The following ITPR2 variants were observed in gnomAD, a reference collection of about 807,000 sequenced individuals.
The protein encoded by ITPR2 is inositol 1,4,5-trisphosphate-gated calcium channel ITPR2.
In ITPR2, 207 loss-of-function variants were observed where a neutral mutation model predicts 317.1. The observed-to-expected ratio is 0.65, with a 90% CI of 0.58 to 0.73. ITPR2 has a LOEUF of 0.73. Ranked by LOEUF, ITPR2 falls within the 30% of genes least tolerant of loss-of-function variation. The pLI is 0.00. For missense variants in ITPR2, 2,613 were observed against 3,284.0 expected (o/e 0.80, Z 4.99); for synonymous variants, 1,156 against 1,149.1 (o/e 1.01, Z -0.12).
chr12:26,420,395 G>T (rs1251845158), intron 49 of ITPR2, among the ~76,000 whole-genome samples: 1 of 152,118 alleles, frequency 6.6e-6, no homozygotes, highest in Non-Finnish European at 1.5e-5. Flanking sequence ...ATTATCGAAT[G>T]ATTTTTAAAT....
At chr12:26,532,200 T>C (rs1943963081) in intron 37 of ITPR2, among the ~76,000 whole-genome samples, 1 of 152,194 alleles carries the variant, frequency 6.6e-6, no homozygotes, top group South Asian at 2.1e-4. Flanking sequence ...AAAAGCAGTG[T>C]TCTTGTTTGT....
intron 2 of ITPR2, among the ~76,000 whole-genome samples, chr12:26,771,566 G>C (rs1447679509): frequency 6.6e-6 from 1 of 152,192 alleles, no homozygotes; most frequent in Non-Finnish European, 1.5e-5. Context: ...CCAGGCTGGA[G>C]TGCAGCGGTG....
At chr12:26,492,632 T>C (rs948518585) in intron 39 of ITPR2, among the ~76,000 whole-genome samples, 3 of 152,244 alleles carry the variant, frequency 2.0e-5, no homozygotes, top group South Asian at 2.1e-4. Flanking sequence ...CATTCATCCA[T>C]TGATAAGTGA....
At chr12:26,643,757 GA>G (rs1947045489) in intron 21 of ITPR2, among the ~76,000 whole-genome samples, 1 of 152,180 alleles carries the variant, frequency 6.6e-6, no homozygotes, top group Non-Finnish European at 1.5e-5. Context: ...ATATTTGGGT[GA>G]AAAATATGTA....
intron 1 of ITPR2, among the ~76,000 whole-genome samples, chr12:26,810,031 T>C (rs1950707335): frequency 6.6e-6 from 1 of 152,212 alleles, no homozygotes; most frequent in South Asian, 2.1e-4. Flanking sequence ...AAAGGCCACA[T>C]CCACGCAAGA....
At chr12:26,566,241 G>T (rs1173955052) in intron 34 of ITPR2, among the ~76,000 whole-genome samples, 1 of 128,906 alleles carries the variant, frequency 7.8e-6, no homozygotes, top group African/African-American at 3.0e-5. Flanking sequence ...GGAGGAAAGA[G>T]GAGAGGTGAG....
At chr12:26,685,704 AC>A (rs1389949018) in intron 11 of ITPR2, among the ~76,000 whole-genome samples, 5 of 152,018 alleles carry the variant, frequency 3.3e-5, no homozygotes, top group Non-Finnish European at 7.4e-5. Context: ...CAATCCCACA[AC>A]CCCTCCCTCA....
At chr12:26,672,095 A>C (rs922314574) in intron 13 of ITPR2, among the ~76,000 whole-genome samples, 9 of 152,208 alleles carry the variant, frequency 5.9e-5, no homozygotes, top group African/African-American at 2.2e-4. Flanking sequence ...CCACACATTA[A>C]TAATGGGAGA....
intron 36 of ITPR2, among the ~76,000 whole-genome samples, chr12:26,554,993 C>T (rs1173706692): frequency 1.3e-5 from 2 of 149,786 alleles, no homozygotes; most frequent in African/African-American, 4.8e-5. Context: ...CAGTTGTACA[C>T]TCAGGGCCTC....
intron 1 of ITPR2, among the ~76,000 whole-genome samples, chr12:26,798,551 A>G (rs1417881851): frequency 2.0e-5 from 3 of 152,234 alleles, no homozygotes; most frequent in East Asian, 3.8e-4. Context: ...CTTAGAACAC[A>G]TTATTTTTAA....
chr12:26,654,513 C>T (rs1392338677), intron 20 of ITPR2, among the ~76,000 whole-genome samples: 1 of 152,134 alleles, frequency 6.6e-6, no homozygotes, highest in African/African-American at 2.4e-5. Flanking sequence ...CCCTATGCTG[C>T]TTTGTGGTCT....
intron 34 of ITPR2, among the ~76,000 whole-genome samples, chr12:26,562,386 T>G (rs540897157): frequency 2.0e-5 from 3 of 152,208 alleles, no homozygotes; most frequent in African/African-American, 7.2e-5. Context: ...AGAATAGAAA[T>G]AACAAGTTGA....
At chr12:26,507,853 C>CTGTGTGTG (rs541133629) in intron 37 of ITPR2, among the ~76,000 whole-genome samples, 2,896 of 107,194 alleles carry the variant, frequency 0.027, 48 homozygotes, top group Non-Finnish European at 0.045. Flanking sequence ...CTACTCTTCT[C>CTGTGTGTG]TCTCTGTCTC....
chr12:26,448,445 T>C (rs935995366), intron 45 of ITPR2, among the ~76,000 whole-genome samples: 2 of 152,136 alleles, frequency 1.3e-5, no homozygotes, highest in Admixed American at 6.5e-5. Context: ...AATTGTTTTA[T>C]ATATGGTGTG....
intron 2 of ITPR2, among the ~76,000 whole-genome samples, chr12:26,732,264 A>G (rs1196874258): frequency 1.3e-5 from 2 of 152,246 alleles, no homozygotes; most frequent in Admixed American, 6.5e-5. Flanking sequence ...GTAGACTGAT[A>G]AAATGTTAGC....
intron 34 of ITPR2, among the ~76,000 whole-genome samples, chr12:26,565,484 T>TAATA (rs529077926): frequency 1.4e-5 from 2 of 138,744 alleles, no homozygotes; most frequent in South Asian, 4.9e-4. Context: ...GATAGACAGA[T>TAATA]GATAGATAGA....
intron 48 of ITPR2, among the ~76,000 whole-genome samples, chr12:26,434,895 C>T (rs1482815293): frequency 6.6e-6 from 1 of 152,172 alleles, no homozygotes; most frequent in Non-Finnish European, 1.5e-5. Context: ...TTATATTCCT[C>T]TATGCTAAGA....
rs35412320 is a variant in ITPR2 at position 26,681,900 on chromosome 12, G to A, written c.1383C>T (p.Asn461=). 2,548 of 1,612,128 alleles carry A rather than the reference G, an allele frequency of 1.6e-3. 37 individuals are homozygous for A. In the African/African-American group the frequency reaches 0.03, roughly 19 times the overall value. The part of the protein sequence containing the change: ...VLATTVKKLE[N]GTITQNERRF... ...TCCTTTCATTCTGAGTTATTGTGCC[G>A]TTTTCTAGCTTTTTAACTGTGGTCG... is the stretch of plus-strand genomic sequence containing the variant. The change falls in exon 13 of 57, where the codon AAC becomes AAT. Residue 461 remains asparagine (N), a synonymous_variant. Transcript: ENST00000381340.
intron 38 of ITPR2, among the ~76,000 whole-genome samples, chr12:26,494,905 T>A (rs1479695181): frequency 6.6e-6 from 1 of 152,200 alleles, no homozygotes; most frequent in Non-Finnish European, 1.5e-5. Flanking sequence ...CTAGCTTTAT[T>A]TTGTCCTTAA....
Sources: gnomAD v4.1 joint callset for allele counts (sites outside exome capture counted in the v4.1 genomes callset) on GRCh38, gnomAD v4.1.1 for gene constraint, MANE v1.5 for transcripts, NCBI Gene and HGNC (gene_info 2026-07-23, HGNC 2026-07-21) for gene names.